Variants in IL20RB observed in about 807,000 individuals in gnomAD.
The protein encoded by IL20RB is interleukin 20 receptor subunit beta, also known as interleukin-20 receptor subunit beta.
In IL20RB, 21 loss-of-function variants were observed where a neutral mutation model predicts 33.3. The ratio of observed to expected loss-of-function variants is 0.63; its 90% confidence interval spans 0.45 to 0.91. The LOEUF is 0.91. Ranked by LOEUF, IL20RB falls within the 40% of genes least tolerant of loss-of-function variation. The pLI is 0.00. For missense variants in IL20RB, 345 were observed against 384.8 expected, an observed-to-expected ratio of 0.90 and a Z score of 0.86; for synonymous variants, 147 against 146.8, an observed-to-expected ratio of 1.00 and a Z score of -0.01.
At chr3:136,987,538 G>T (rs965365879) in intron 3 of IL20RB, among the ~76,000 whole-genome samples, 1 of 152,218 alleles carries the variant, frequency 6.6e-6, no homozygotes, top group Non-Finnish European at 1.5e-5. Flanking sequence ...AGTGGATCCC[G>T]CACCAGGGCT....
At chr3:136,983,963 A>G (rs1050109280) in intron 3 of IL20RB, among the ~76,000 whole-genome samples, 2 of 152,144 alleles carry the variant, frequency 1.3e-5, no homozygotes, top group African/African-American at 4.8e-5. Context: ...CAGGCCCCCA[A>G]GAAGCTGGGA....
At chr3:136,967,233 T>C (rs942989432) in intron 1 of IL20RB, among the ~76,000 whole-genome samples, 4 of 151,902 alleles carry the variant, frequency 2.6e-5, no homozygotes, top group African/African-American at 9.7e-5. Context: ...AGAGCTGAGC[T>C]CAATTCCTGG....
Position 136,995,673 on chromosome 3 carries a change from C to T in IL20RB, c.825+117C>T, listed in dbSNP as rs1038535882. ...TATCATGAGATTATAGGCATCTGCA[C>T]AGAGAGGGGAGAGGAATACTTATAA... is the stretch of plus-strand genomic sequence containing the variant. On this transcript the variant is annotated intron_variant, in intron 6 of 6. Transcript: ENST00000329582. The T allele has an allele frequency of 6.0e-5, 55 of 912,198 alleles. 1 individual carries two copies. The highest frequency in any genetic ancestry group is 3.2e-4 in the Middle Eastern group (1 of 3,116). 56.5% of individuals were successfully genotyped at this position (912,198 alleles called of 1,614,324 possible). A position where few individuals can be genotyped will look rare whatever the true frequency, so the allele number is the denominator to read the frequency against.
chr3:136,982,983 C>G (rs1266309160), intron 3 of IL20RB, among the ~76,000 whole-genome samples: 2 of 152,086 alleles, frequency 1.3e-5, no homozygotes, highest in Non-Finnish European at 2.9e-5. Flanking sequence ...GGCTGATGGG[C>G]AGGGGGTAGG....
chr3:137,004,716 G>C (rs1320267043), intron 6 of IL20RB, among the ~76,000 whole-genome samples: 1 of 152,082 alleles, frequency 6.6e-6, no homozygotes, highest in Non-Finnish European at 1.5e-5. Context: ...CAAAAAACCA[G>C]CTTCTGGATT....
intron 1 of IL20RB, among the ~76,000 whole-genome samples, chr3:136,978,541 G>C (rs925832588): frequency 2.6e-5 from 4 of 152,046 alleles, no homozygotes; most frequent in Non-Finnish European, 5.9e-5. Context: ...TATGATTTAT[G>C]ATTTTATTCT....
chr3:137,002,166 G>T (rs563329693), intron 6 of IL20RB, among the ~76,000 whole-genome samples: 1 of 152,228 alleles, frequency 6.6e-6, no homozygotes, highest in East Asian at 1.9e-4. Flanking sequence ...TCTTAATCCA[G>T]TCTATCATTG....
intron 5 of IL20RB, among the ~76,000 whole-genome samples, chr3:136,994,830 AC>A: frequency 6.6e-6 from 1 of 152,324 alleles, no homozygotes; most frequent in Non-Finnish European, 1.5e-5. Flanking sequence ...AGGGATACTC[AC>A]ACTCATTGTG....
At chr3:136,981,751 T>G in intron 2 of IL20RB, among the ~76,000 whole-genome samples, 1 of 152,180 alleles carries the variant, frequency 6.6e-6, no homozygotes, top group Non-Finnish European at 1.5e-5. Context: ...GTAAGACCAC[T>G]GGCAAGAGTT....
rs531509973 is a variant in IL20RB, at chr3:137,010,462, A to G, written c.*239A>G. On this transcript the variant is annotated 3_prime_UTR_variant, in exon 7 of 7. Transcript: ENST00000329582. ...GGGGCTGCCACTTGCTGGCTGAGCA[A>G]CCCTGGGAAAAGTGACTTCATCCCT... The G allele has an allele frequency of 4.6e-6, 2 of 438,758 alleles. No individual in the cohort carries two copies. The highest frequency in any genetic ancestry group is 4.2e-5 in the South Asian group (1 of 23,718). 27.2% of individuals were successfully genotyped at this position (438,758 alleles called of 1,614,324 possible). A position where few individuals can be genotyped will look rare whatever the true frequency, so the allele number is the denominator to read the frequency against.
At chr3:136,997,227 G>A (rs1236577832) in intron 6 of IL20RB, among the ~76,000 whole-genome samples, 3 of 151,770 alleles carry the variant, frequency 2.0e-5, no homozygotes, top group African/African-American at 4.8e-5. Flanking sequence ...TGAGTAACTG[G>A]GATTACAGAC....
At chr3:136,975,448 C>T (rs1941592107) in intron 1 of IL20RB, among the ~76,000 whole-genome samples, 1 of 152,110 alleles carries the variant, frequency 6.6e-6, no homozygotes, top group African/African-American at 2.4e-5. Flanking sequence ...AAGCAATTCT[C>T]CTGCCTCAGC....
chr3:136,985,701 G>T (rs1458851441), intron 3 of IL20RB, among the ~76,000 whole-genome samples: 1 of 152,136 alleles, frequency 6.6e-6, no homozygotes, highest in African/African-American at 2.4e-5. Context: ...TTGCACATTT[G>T]AGTCACAGGG....
At chr3:136,972,713 A>T (rs568342525) in intron 1 of IL20RB, among the ~76,000 whole-genome samples, 1 of 151,468 alleles carries the variant, frequency 6.6e-6, no homozygotes, top group Admixed American at 6.6e-5. Flanking sequence ...TGGTTTTAAG[A>T]TTAACTTTGT....
At chr3:136,996,133 G>A (rs1405727403) in intron 6 of IL20RB, among the ~76,000 whole-genome samples, 1 of 152,028 alleles carries the variant, frequency 6.6e-6, no homozygotes, top group African/African-American at 2.4e-5. Context: ...ATCCTCATGA[G>A]GTCAGAATTC....
chr3:136,986,212 C>CAAAT (rs751861399), intron 3 of IL20RB, among the ~76,000 whole-genome samples: 5,282 of 138,048 alleles, frequency 0.038, 154 homozygotes, highest in Middle Eastern at 0.074. Context: ...GACTCCATCT[C>CAAAT]AAATAAATAA....
At chr3:136,991,579 C>T (rs572435421) in intron 4 of IL20RB, among the ~76,000 whole-genome samples, 1 of 152,276 alleles carries the variant, frequency 6.6e-6, no homozygotes, top group South Asian at 2.1e-4. Context: ...CCTTTCCAGT[C>T]CTGCTGCCTT....
intron 1 of IL20RB, among the ~76,000 whole-genome samples, chr3:136,970,639 C>T (rs1280874313): frequency 6.7e-6 from 1 of 149,540 alleles, no homozygotes; most frequent in Non-Finnish European, 1.5e-5. Flanking sequence ...TCCTTCCTTC[C>T]TTCCTTCCTT....
intron 5 of IL20RB, among the ~76,000 whole-genome samples, 193 bp from the exon 6 acceptor site, chr3:136,995,220 TC>T: frequency 6.6e-6 from 1 of 152,326 alleles, no homozygotes; most frequent in South Asian, 2.1e-4. Context: ...AACCATGCCT[TC>T]ATCTGGATTC....
Sources: gnomAD v4.1 joint callset for allele counts (sites outside exome capture counted in the v4.1 genomes callset) on GRCh38, gnomAD v4.1.1 for gene constraint, MANE v1.5 for transcripts, NCBI Gene and HGNC (gene_info 2026-07-23, HGNC 2026-07-21) for gene names.